The following IFT88 variants were observed in gnomAD, a reference collection of about 807,000 sequenced individuals.
The protein encoded by IFT88 is intraflagellar transport protein 88 homolog.
IFT88 carries 74 observed loss-of-function variants against 119.5 expected under a neutral mutation model. The observed-to-expected ratio is 0.62, with a 90% CI of 0.51 to 0.75. The LOEUF (loss-of-function observed/expected upper bound fraction) is 0.75. Among genes scored for constraint, IFT88 ranks in the 30% least tolerant of loss-of-function variants. The pLI is 0.00. For synonymous variants in IFT88, 279 were observed against 316.7 expected, an observed-to-expected ratio of 0.88 and a Z score of 1.26; for missense variants, 961 against 977.7, an observed-to-expected ratio of 0.98 and a Z score of 0.23.
chr13:20,644,309 G>A (rs531926626), intron 19 of IFT88, among the ~76,000 whole-genome samples: 7 of 152,172 alleles, frequency 4.6e-5, no homozygotes, highest in African/African-American at 1.7e-4. Context: ...TGACCAGCCT[G>A]GCCAACATGA....
chr13:20,595,499 A>G (rs998848601), intron 7 of IFT88, among the ~76,000 whole-genome samples: 2 of 151,946 alleles, frequency 1.3e-5, no homozygotes, highest in African/African-American at 2.4e-5. Context: ...CATGTTGGCC[A>G]TGCTGGTCTC....
intron 15 of IFT88, among the ~76,000 whole-genome samples, chr13:20,629,295 T>C (rs756036247): frequency 6.6e-6 from 1 of 152,198 alleles, no homozygotes; most frequent in Non-Finnish European, 1.5e-5. Flanking sequence ...GGAGGTTGTA[T>C]AAAGCATCAA....
chr13:20,590,086 A>G (rs2040399230), intron 4 of IFT88, among the ~76,000 whole-genome samples: 1 of 152,088 alleles, frequency 6.6e-6, no homozygotes, highest in South Asian at 2.1e-4. Context: ...ACCTTTTTCC[A>G]TTTGTAAACC....
intron 13 of IFT88, among the ~76,000 whole-genome samples, chr13:20,609,959 T>C (rs1387611144): frequency 6.6e-6 from 1 of 152,118 alleles, no homozygotes; most frequent in African/African-American, 2.4e-5. Flanking sequence ...TGGTGATGAC[T>C]GCCATCTTTC....
chr13:20,614,561 T>A (rs1017928621), intron 13 of IFT88: 1 of 152,070 alleles, frequency 6.6e-6, no homozygotes, highest in African/African-American at 2.4e-5. Context: ...TTAGGAGAGA[T>A]GAAGAAGGGG....
At chr13:20,589,925 T>G (rs943512144) in intron 4 of IFT88, 58 bp downstream of exon 4, 12 of 990,122 alleles carry the variant, frequency 1.2e-5, no homozygotes, top group Admixed American at 1.8e-5. Context: ...TAGTTCACTT[T>G]AGGCAGTTCT....
chr13:20,580,404 CT>C (rs2038334830), intron 2 of IFT88, among the ~76,000 whole-genome samples: 1 of 152,040 alleles, frequency 6.6e-6, no homozygotes, highest in South Asian at 2.1e-4. Context: ...GTAATCTCAG[CT>C]GCTTGGAAGG....
intron 24 of IFT88, among the ~76,000 whole-genome samples, chr13:20,671,394 G>A (rs1658248375): frequency 6.6e-6 from 1 of 152,160 alleles, no homozygotes; most frequent in African/African-American, 2.4e-5. Flanking sequence ...GCCACGAGAA[G>A]GAGGATGGTC....
intron 15 of IFT88, among the ~76,000 whole-genome samples, chr13:20,629,613 A>C (rs1280875613): frequency 6.6e-6 from 1 of 152,244 alleles, no homozygotes; most frequent in African/African-American, 2.4e-5. Context: ...AAAGTATCTG[A>C]AATTGAGTAT....
At chr13:20,627,790 C>CT (rs2140024810) in intron 15 of IFT88, among the ~76,000 whole-genome samples, 1 of 141,418 alleles carries the variant, frequency 7.1e-6, no homozygotes, top group African/African-American at 2.6e-5. Context: ...TGTTTTAAAA[C>CT]TATGTTCATT....
chr13:20,657,442 A>G (rs1165111236), intron 22 of IFT88, among the ~76,000 whole-genome samples: 3 of 152,182 alleles, frequency 2.0e-5, no homozygotes, highest in East Asian at 1.9e-4. Context: ...CAGTTGTACA[A>G]TTTTTACTGT....
At chr13:20,652,557 A>G (rs1399377238) in intron 20 of IFT88, among the ~76,000 whole-genome samples, 1 of 152,014 alleles carries the variant, frequency 6.6e-6, no homozygotes, top group Non-Finnish European at 1.5e-5. Context: ...GGGAGGTTAC[A>G]GTGAGCTGAG....
chr13:20,592,086 T>C (rs1395847170), intron 6 of IFT88, among the ~76,000 whole-genome samples: 1 of 152,188 alleles, frequency 6.6e-6, no homozygotes, highest in East Asian at 1.9e-4. Flanking sequence ...GCTGAGAATA[T>C]CTTATTTTTG....
At chr13:20,669,127 A>ACCTCCTTCCAATGTGGC (rs1170007953) in intron 23 of IFT88, among the ~76,000 whole-genome samples, 1 of 152,200 alleles carries the variant, frequency 6.6e-6, no homozygotes, top group African/African-American at 2.4e-5. Context: ...CAAGGACCAT[A>ACCTCCTTCCAATGTGGC]GTTCCAATGT....
intron 24 of IFT88, among the ~76,000 whole-genome samples, chr13:20,688,178 A>G (rs563101894): frequency 1.3e-5 from 2 of 152,328 alleles, no homozygotes; most frequent in Admixed American, 1.3e-4. Context: ...TCTACTAAAA[A>G]TACAACAACA....
At chr13:20,597,754 A>ATATATATATATATATATATAT (rs1555262657) in intron 9 of IFT88, among the ~76,000 whole-genome samples, 2 of 142,592 alleles carry the variant, frequency 1.4e-5, no homozygotes, top group South Asian at 4.5e-4. Flanking sequence ...TCAAAAAAAA[A>ATATATATATATATATATATAT]ATATATATAT....
intron 17 of IFT88, among the ~76,000 whole-genome samples, chr13:20,640,400 C>T (rs374364135): frequency 6.6e-6 from 1 of 151,322 alleles, no homozygotes; most frequent in Non-Finnish European, 1.5e-5. Flanking sequence ...AGTGAAACCC[C>T]GTCTCTACTA....
At chr13:20,634,299 A>T (rs2048669258) in intron 16 of IFT88, among the ~76,000 whole-genome samples, 1 of 152,144 alleles carries the variant, frequency 6.6e-6, no homozygotes, top group African/African-American at 2.4e-5. Context: ...GTAATAATCT[A>T]CCACTGCCTG....
At chr13:20,684,379 T>C (rs998302923) in intron 24 of IFT88, among the ~76,000 whole-genome samples, 1 of 152,098 alleles carries the variant, frequency 6.6e-6, no homozygotes, top group Non-Finnish European at 1.5e-5. Context: ...AACCTCTCCC[T>C]CCTTTGTCTC....
Sources: gnomAD v4.1 joint callset for allele counts (sites outside exome capture counted in the v4.1 genomes callset) on GRCh38, gnomAD v4.1.1 for gene constraint, MANE v1.5 for transcripts, NCBI Gene and HGNC (gene_info 2026-07-23, HGNC 2026-07-21) for gene names.